Variants in LTN1 observed in about 807,000 individuals in gnomAD.
LTN1 encodes the protein listerin E3 ubiquitin protein ligase 1.
LTN1 carries 88 observed loss-of-function variants against 201.2 expected under a neutral mutation model. The ratio of observed to expected loss-of-function variants is 0.44; its 90% CI spans 0.37 to 0.52. LTN1 has a LOEUF of 0.52. Ranked by LOEUF, LTN1 falls within the 20% of genes least tolerant of loss-of-function variation. The probability of loss-of-function intolerance (pLI) is 0.00; values close to 1 mark genes in which losing one functional copy is unlikely to be tolerated. For missense variants in LTN1, 1,752 were observed against 2,038.7 expected, an observed-to-expected ratio of 0.86 and a Z score of 2.71; for synonymous variants, 645 against 713.5, an observed-to-expected ratio of 0.90 and a Z score of 1.53.
chr21:28,939,177 ATAAC>A (rs896371147), intron 25 of LTN1, among the ~76,000 whole-genome samples: 2 of 152,242 alleles, frequency 1.3e-5, no homozygotes, highest in Admixed American at 1.3e-4. Context: ...TGTATCAGTG[ATAAC>A]TAATCTAGAG....
intron 25 of LTN1, 126 bp downstream of exon 25, chr21:28,941,094 T>C: frequency 1.5e-6 from 1 of 683,378 alleles, no homozygotes; most frequent in Non-Finnish European, 2.4e-6. Flanking sequence ...CAAAATAAAA[T>C]AAATTTTAAA....
At position 28,971,424 on chromosome 21, in the gene LTN1, C is replaced by T. The variant is rs368155728; in HGVS notation, c.831G>A (p.Glu277=). The T allele has an allele frequency of 1.4e-5, 22 of 1,613,712 alleles. No individual in the cohort carries two copies. In the African/African-American group the frequency reaches 2.3e-4, roughly 17 times the overall value. The change falls in exon 7 of 30, where the codon GAG becomes GAA. Residue 277 remains glutamate (E), a synonymous_variant. Coordinates refer to ENST00000361371, the MANE Select transcript of LTN1 (RefSeq NM_015565.3). The part of the protein sequence containing the change: ...SVPQIRSAYF[E]LVSALCQRIP... Reference sequence around the variant, plus strand: ...TGCGCTGGCACAATGCAGAGACTAACTCAAAATAAGCTGAGCGAATCTAAA... The same window carrying T: ...TGCGCTGGCACAATGCAGAGACTAATTCAAAATAAGCTGAGCGAATCTAAA...
At chr21:28,953,410 C>T (rs764656209) in intron 16 of LTN1, 34 bp from the exon 17 acceptor site, 2 of 1,523,982 alleles carry the variant, frequency 1.3e-6, no homozygotes, top group Non-Finnish European at 1.8e-6. Context: ...TTATGAAAAG[C>T]ACTCTGTGAA....
At chr21:28,989,841 C>T (rs1400348458) in intron 1 of LTN1, among the ~76,000 whole-genome samples, 2 of 151,996 alleles carry the variant, frequency 1.3e-5, no homozygotes, top group South Asian at 4.2e-4. Context: ...ATGGCAAAAC[C>T]CTGTATCTAT....
chr21:28,953,871 C>T lies in LTN1; in HGVS notation c.3080-495G>A, dbSNP rs528616107. Reference sequence around the variant, plus strand: ...TAAATAGTTATCAATTAGGATACTACGAACTACCTCACAGGACTGCTGTGA... The same window carrying T: ...TAAATAGTTATCAATTAGGATACTATGAACTACCTCACAGGACTGCTGTGA... On this transcript the variant is annotated intron_variant, in intron 16 of 29. Transcript: ENST00000361371. 3.7e-4 allele frequency among the ~76,000 whole-genome samples: 57 copies of T among 152,248 alleles called. No homozygotes were observed. In the South Asian group the frequency reaches 0.012, roughly 31 times the overall value.
intron 1 of LTN1, among the ~76,000 whole-genome samples, chr21:28,987,657 T>G (rs1601006877): frequency 6.6e-6 from 1 of 152,314 alleles, no homozygotes; most frequent in East Asian, 1.9e-4. Flanking sequence ...TATAGTAGTC[T>G]TCTACTAAAA....
intron 7 of LTN1, 64 bp downstream of exon 7, chr21:28,971,207 G>C (rs2084571561): frequency 3.8e-6 from 5 of 1,323,366 alleles, no homozygotes; most frequent in Non-Finnish European, 4.1e-6. Context: ...TTCCCAGTAA[G>C]TTTTGGATAT....
Position 28,956,954 on chromosome 21 carries a change from A to G in LTN1, c.2893-6T>C, listed in dbSNP as rs2146285943. 1.3e-6 allele frequency: 2 copies of G among 1,542,844 alleles called. No individual in the cohort carries two copies. Among genetic ancestry groups the G allele is most frequent in the Admixed American group, 1.9e-5 (1 of 51,498 alleles). ...AAAAGAGGTCTATGTAACCACTGTG[A>G]AAAGAATACGTTATATACAAAATTA... On this transcript the variant is annotated splice_polypyrimidine_tract_variant and splice_region_variant and intron_variant, in intron 15 of 29. Transcript: ENST00000361371.
chr21:28,964,880 C>T, intron 11 of LTN1: 1 of 1,356,334 alleles, frequency 7.4e-7, no homozygotes, highest in Non-Finnish European at 9.6e-7. Flanking sequence ...TGTAACTTGG[C>T]TACAGGGAGA....
chr21:28,930,447 C>A lies in LTN1; in HGVS notation c.*1G>T, dbSNP rs1470695639. The A allele has an allele frequency of 6.2e-7, 1 of 1,610,378 alleles. No homozygotes were observed. Among genetic ancestry groups the A allele is most frequent in the African/African-American group, 1.3e-5 (1 of 74,814 alleles). On this transcript the variant is annotated 3_prime_UTR_variant, in exon 30 of 30. Transcript: ENST00000361371. Reference sequence around the variant, plus strand: ...AGGGATCCCTTCCAGTGAAAAAAATCTCAGAAAAACGTCTCACGACACAGT... The same window carrying A: ...AGGGATCCCTTCCAGTGAAAAAAATATCAGAAAAACGTCTCACGACACAGT...
chr21:28,987,553 T>C (rs1197806621), intron 1 of LTN1, among the ~76,000 whole-genome samples: 1 of 152,018 alleles, frequency 6.6e-6, no homozygotes, highest in East Asian at 1.9e-4. Flanking sequence ...AAAATTACAT[T>C]ATTATAGCCA....
intron 4 of LTN1, 79 bp from the exon 5 acceptor site, chr21:28,982,447 A>C: frequency 9.3e-7 from 1 of 1,076,420 alleles, no homozygotes; most frequent in Non-Finnish European, 1.4e-6. Context: ...GTTAAATAAA[A>C]TCCACTTTTT....
rs547897509 is a variant in LTN1, at chr21:28,963,029, C to T, written c.2164-2323G>A. ...AGGAAGCTGCACAAGAAAAGACTGA[C>T]GCTAGCAAAGGGTGGTTCATGAGGT... On this transcript the variant is annotated intron_variant, in intron 11 of 29. Transcript: ENST00000361371. Among the ~76,000 whole-genome samples the T allele has an allele frequency of 1.9e-4, 29 of 152,290 alleles. No homozygotes were observed. The South Asian group carries it at 5.4e-3, about 28-fold the overall frequency.
chr21:28,955,905 A>G (rs2084420905), intron 16 of LTN1, among the ~76,000 whole-genome samples: 1 of 143,686 alleles, frequency 7.0e-6, no homozygotes, highest in African/African-American at 2.6e-5. Flanking sequence ...CCTGGGCAAC[A>G]GAGCGAGACT....
chr21:28,959,697 T>C lies in LTN1; in HGVS notation c.2354A>G (p.Asp785Gly), dbSNP rs1243806873. 1 of 1,590,896 alleles carries C rather than the reference T, an allele frequency of 6.3e-7. No individual in the cohort carries two copies. The highest frequency in any genetic ancestry group is 8.5e-7 in the Non-Finnish European group (1 of 1,170,804). Reference sequence around the variant, plus strand: ...AACATATACGTCTCCAATCAAGTAATCTGGAGAAAAAAAGGTTCAAACAGA... The same window carrying C: ...AACATATACGTCTCCAATCAAGTAACCTGGAGAAAAAAAGGTTCAAACAGA... ...SLVLSQHVKN[D>G]YLIGDVYVER... Residue 785 changes from aspartate to glycine, a missense_variant and splice_region_variant, in exon 13 of 30, where the codon GAT becomes GGT. Physicochemically the swap from Asp to Gly is moderately conservative, Grantham distance 94. This residue lies in a region of LTN1 where 1,211 missense variants were observed against 1,312.8 expected (regional missense o/e 0.92). Coordinates refer to ENST00000361371, the MANE Select transcript of LTN1 (RefSeq NM_015565.3).
intron 1 of LTN1, among the ~76,000 whole-genome samples, chr21:28,987,459 T>C (rs1356564277): frequency 6.6e-6 from 1 of 152,206 alleles, no homozygotes; most frequent in Non-Finnish European, 1.5e-5. Context: ...GGTCTAATGA[T>C]AGCTGCCTCT....
In LTN1 at chr21:28,936,694, G is replaced by T; in HGVS notation, c.4486C>A (p.Arg1496=). The T allele has an allele frequency of 6.2e-7, 1 of 1,605,750 alleles. No individual in the cohort carries two copies. Among genetic ancestry groups the T allele is most frequent in the Non-Finnish European group, 8.5e-7 (1 of 1,174,522 alleles). Residue 1496 remains arginine (R), a synonymous_variant, in exon 26 of 30, where the codon CGG becomes AGG. Transcript: ENST00000361371. ...CGAAGATACATGGAATACAAAGCCCGAAGCTGGTGGAGAGCAAAGAATTTG... is the reference window on the plus strand; with the variant it reads ...CGAAGATACATGGAATACAAAGCCCTAAGCTGGTGGAGAGCAAAGAATTTG... ...TFFKAASSQL[R]ALYSMYLRKT...
rs573400477 is a variant in LTN1, at chr21:28,984,298, C to T, written c.576+394G>A. Among the ~76,000 whole-genome samples the T allele has an allele frequency of 6.0e-5, 9 of 151,186 alleles. No individual in the cohort carries two copies. The South Asian group carries it at 6.3e-4, about 11-fold the overall frequency. On this transcript the variant is annotated intron_variant, in intron 4 of 29. Transcript: ENST00000361371. The stretch of plus-strand genomic sequence containing the variant: ...TACAGTACATCCATGTATAGTAATA[C>T]CAGAGAGCCAATAAAAAGAAAAAGA...
chr21:28,952,764 C>T (rs1260050940), intron 17 of LTN1, among the ~76,000 whole-genome samples: 1 of 152,190 alleles, frequency 6.6e-6, no homozygotes, highest in East Asian at 1.9e-4. Context: ...CAGTTCAATA[C>T]AGTAATTTCA....
Sources: gnomAD v4.1 joint callset for allele counts (sites outside exome capture counted in the v4.1 genomes callset) on GRCh38, gnomAD v4.1.1 for gene constraint, gnomAD v4.1.1 regional missense constraint, MANE v1.5 for transcripts, NCBI Gene and HGNC (gene_info 2026-07-23, HGNC 2026-07-21) for gene names.